The following HELZ variants were observed in gnomAD, a reference collection of about 807,000 sequenced individuals.
HELZ encodes the protein helicase with zinc finger, also known as ATP-dependent RNA helicase with zinc finger domain.
Under a neutral mutation model 218.2 loss-of-function variants are expected in HELZ, and 23 were observed. The observed-to-expected ratio is 0.11, with a 90% confidence interval of 0.08 to 0.15. HELZ has a LOEUF of 0.15. Among genes scored for constraint, HELZ ranks in the 10% least tolerant of loss-of-function variants. HELZ has a pLI of 1.00. For missense variants in HELZ, 1,813 were observed against 2,353.7 expected (o/e 0.77, Z 4.75); for synonymous variants, 814 against 829.4 (o/e 0.98, Z 0.32).
Position 67,161,390 on chromosome 17 carries a change from T to C in HELZ, c.1896-314A>G, listed in dbSNP as rs187574907. ...AGGTCTTTAAGTAGAAATGGCAATG[T>C]TTCAAAAATGTAATTTCCCTCTGTT... On this transcript the variant is annotated intron_variant, in intron 15 of 32. Transcript: ENST00000358691. 2.0e-3 allele frequency among the ~76,000 whole-genome samples: 306 copies of C among 152,338 alleles called. 2 individuals carry two copies. Among genetic ancestry groups the C allele is most frequent in the Non-Finnish European group, 3.4e-3 (228 of 68,030 alleles).
At chr17:67,168,980 T>C (rs940123535) in intron 13 of HELZ, among the ~76,000 whole-genome samples, 10 of 152,060 alleles carry the variant, frequency 6.6e-5, no homozygotes, top group African/African-American at 2.4e-4. Context: ...TAATCCCAGC[T>C]ACTCAGGAGG....
At chr17:67,124,274 G>T (rs1207444465) in intron 24 of HELZ, among the ~76,000 whole-genome samples, 1 of 151,920 alleles carries the variant, frequency 6.6e-6, no homozygotes, top group African/African-American at 2.4e-5. Flanking sequence ...CCTTTTTTAT[G>T]AATATTTTTC....
intron 15 of HELZ, among the ~76,000 whole-genome samples, chr17:67,163,217 TGA>T (rs1466665069): frequency 6.6e-6 from 1 of 152,102 alleles, no homozygotes; most frequent in Non-Finnish European, 1.5e-5. Context: ...TACAGAAAAA[TGA>T]GATATTACTT....
At chr17:67,236,999 A>G (rs994851371) in intron 3 of HELZ, among the ~76,000 whole-genome samples, 2 of 152,168 alleles carry the variant, frequency 1.3e-5, no homozygotes, top group African/African-American at 2.4e-5. Flanking sequence ...GATCATCCCT[A>G]TGAACCCGTG....
intron 3 of HELZ, chr17:67,224,733 G>A (rs1160504217): frequency 1.9e-6 from 2 of 1,043,948 alleles, no homozygotes; most frequent in African/African-American, 3.3e-5. Context: ...CAAACATGGT[G>A]AACGTTGCTA....
chr17:67,126,664 C>T (rs1021305278), intron 24 of HELZ, among the ~76,000 whole-genome samples: 5 of 150,722 alleles, frequency 3.3e-5, no homozygotes, highest in African/African-American at 7.4e-5. Flanking sequence ...GCCTGGCCAA[C>T]GTGATGAAAC....
rs147780035 is a variant in HELZ, at chr17:67,078,663, A to G, written c.5495-77T>C. ...ATGTGCCTCATTCACTCAGTGTGTCAGAACTGGCTCTCATCTCCAGGAACT... is the reference window on the plus strand; with the variant it reads ...ATGTGCCTCATTCACTCAGTGTGTCGGAACTGGCTCTCATCTCCAGGAACT... On this transcript the variant is annotated intron_variant, in intron 32 of 32. Transcript: ENST00000358691. 2.7e-4 allele frequency: 290 copies of G among 1,058,610 alleles called. 2 individuals carry two copies. The African/African-American group carries it at 3.7e-3, about 14-fold the overall frequency. 65.6% of individuals were successfully genotyped at this position (1,058,610 alleles called of 1,614,324 possible).
intron 23 of HELZ, among the ~76,000 whole-genome samples, chr17:67,133,374 G>A (rs551947159): frequency 6.6e-6 from 1 of 152,032 alleles, no homozygotes; most frequent in Admixed American, 6.6e-5. Context: ...TCAAGACAAT[G>A]GATGAAAAAT....
At chr17:67,084,438 G>A (rs891161407) in intron 32 of HELZ, among the ~76,000 whole-genome samples, 19 of 151,878 alleles carry the variant, frequency 1.3e-4, no homozygotes, top group African/African-American at 4.4e-4. Context: ...CGAGGCGGGC[G>A]GATCACAAGG....
chr17:67,151,797 C>T (rs1294462543), intron 17 of HELZ, among the ~76,000 whole-genome samples: 1 of 152,036 alleles, frequency 6.6e-6, no homozygotes, highest in Non-Finnish European at 1.5e-5. Flanking sequence ...TAAGTACTTC[C>T]ATTATTTGCA....
intron 2 of HELZ, among the ~76,000 whole-genome samples, chr17:67,242,675 T>G (rs998978246): frequency 1.3e-5 from 2 of 151,946 alleles, no homozygotes; most frequent in Non-Finnish European, 2.9e-5. Context: ...CCATATTTGC[T>G]CTGCCAAAAA....
chr17:67,149,184 G>A (rs1283795783), intron 19 of HELZ, among the ~76,000 whole-genome samples: 2 of 152,152 alleles, frequency 1.3e-5, no homozygotes, highest in African/African-American at 4.8e-5. Flanking sequence ...TCATGGTTAT[G>A]CCTTTTACTA....
chr17:67,115,345 T>C (rs1254388012), intron 27 of HELZ, among the ~76,000 whole-genome samples: 1 of 152,012 alleles, frequency 6.6e-6, no homozygotes, highest in Non-Finnish European at 1.5e-5. Context: ...TATGGGTAAT[T>C]AGAATCTCTG....
intron 15 of HELZ, among the ~76,000 whole-genome samples, chr17:67,162,734 A>AT (rs11396536): frequency 0.2 from 29,682 of 146,154 alleles, 3,045 homozygotes; most frequent in African/African-American, 0.28. Flanking sequence ...CTTATTGTTA[A>AT]TTTTTTTTTT....
chr17:67,238,116 C>T (rs1163571040), intron 3 of HELZ, among the ~76,000 whole-genome samples: 1 of 151,210 alleles, frequency 6.6e-6, no homozygotes, highest in Non-Finnish European at 1.5e-5. Flanking sequence ...GAGGCCAAGG[C>T]AGGTGGATCA....
At chr17:67,161,201 A>G (rs1455384947) in intron 15 of HELZ, 125 bp from the exon 16 acceptor site, 8 of 651,298 alleles carry the variant, frequency 1.2e-5, no homozygotes, top group Non-Finnish European at 7.5e-6. Context: ...CTATAAAAAC[A>G]AATGCTTATT....
At chr17:67,124,863 T>C (rs2037731859) in intron 24 of HELZ, among the ~76,000 whole-genome samples, 1 of 152,086 alleles carries the variant, frequency 6.6e-6, no homozygotes, top group Non-Finnish European at 1.5e-5. Flanking sequence ...TGGTTCTGAA[T>C]TTCTGGATTA....
intron 5 of HELZ, among the ~76,000 whole-genome samples, chr17:67,209,029 GAGGA>G (rs1483378359): frequency 1.0e-4 from 13 of 125,686 alleles, no homozygotes; most frequent in African/African-American, 2.7e-4. Context: ...GGAAGGAAGG[GAGGA>G]AGGGAGGGAG....
chr17:67,084,940 T>C (rs1436003440), intron 32 of HELZ, among the ~76,000 whole-genome samples: 1 of 152,024 alleles, frequency 6.6e-6, no homozygotes. Flanking sequence ...GCCCCGCCTC[T>C]ACTAAAAATA....
Sources: allele counts gnomAD v4.1 joint callset (sites outside exome capture counted in the v4.1 genomes callset), GRCh38; gene constraint gnomAD v4.1.1; transcripts MANE v1.5; gene names NCBI Gene and HGNC (gene_info 2026-07-23, HGNC 2026-07-21).